Variants in DSCAM observed in about 807,000 individuals in gnomAD.
DSCAM encodes DS cell adhesion molecule.
A neutral mutation model predicts 217.7 loss-of-function variants in DSCAM; 47 were observed. That is an observed-to-expected ratio of 0.22 (90% CI 0.17 to 0.28). The LOEUF (loss-of-function observed/expected upper bound fraction) is 0.28, where lower values mean the gene tolerates loss of function less well. Ranked by LOEUF, DSCAM falls within the 10% of genes least tolerant of loss-of-function variation. The probability of loss-of-function intolerance (pLI) is 1.00; values close to 1 mark genes in which losing one functional copy is unlikely to be tolerated. For synonymous variants in DSCAM, 1,056 were observed against 1,015.3 expected, an observed-to-expected ratio of 1.04 and a Z score of -0.76; for missense variants, 2,080 against 2,618.3, an observed-to-expected ratio of 0.79 and a Z score of 4.49.
intron 32 of DSCAM, among the ~76,000 whole-genome samples, chr21:40,022,874 C>CT (rs1329514507): frequency 6.6e-6 from 1 of 151,046 alleles, no homozygotes; most frequent in Non-Finnish European, 1.5e-5. Flanking sequence ...ATTTTCTTTT[C>CT]TTTTTTTCTT....
At chr21:40,511,213 A>G (rs2076254712) in intron 3 of DSCAM, among the ~76,000 whole-genome samples, 1 of 152,194 alleles carries the variant, frequency 6.6e-6, no homozygotes, top group Non-Finnish European at 1.5e-5. Flanking sequence ...GAAAAGAGGA[A>G]AGCAGAACAG....
intron 1 of DSCAM, among the ~76,000 whole-genome samples, chr21:40,782,575 A>G (rs2091556630): frequency 6.6e-6 from 1 of 152,090 alleles, no homozygotes; most frequent in Admixed American, 6.5e-5. Context: ...AAAGAATGCA[A>G]AAAATTAGCC....
chr21:40,832,612 C>T (rs2837848), intron 1 of DSCAM, among the ~76,000 whole-genome samples: 2,554 of 152,206 alleles, frequency 0.017, 134 homozygotes, highest in East Asian at 0.096. Flanking sequence ...AAGAGGCTAT[C>T]GTTTCCAGCC....
At chr21:40,105,404 C>A (rs994025780) in intron 20 of DSCAM, among the ~76,000 whole-genome samples, 1 of 152,148 alleles carries the variant, frequency 6.6e-6, no homozygotes, top group Non-Finnish European at 1.5e-5. Context: ...GTGGGAGGGA[C>A]CCCGTGGGAG....
chr21:40,311,679 T>C (rs923793598), intron 9 of DSCAM, among the ~76,000 whole-genome samples: 3 of 152,160 alleles, frequency 2.0e-5, no homozygotes, highest in African/African-American at 7.2e-5. Flanking sequence ...CTTTGATACA[T>C]AGCTTTGAGA....
intron 16 of DSCAM, among the ~76,000 whole-genome samples, chr21:40,149,816 A>T (rs1009691859): frequency 2.7e-4 from 36 of 131,526 alleles, no homozygotes; most frequent in Middle Eastern, 5.3e-3. Context: ...ACTCCATCAC[A>T]ATCCCAACAC....
chr21:40,196,607 CCTT>C lies in DSCAM; in HGVS notation c.2357-7372_2357-7370del, dbSNP rs34238852. ...TTTTTCTTTATTTCTTTCCCTCTAT[CCTT>C]CTGTTCCTCCCTCCCAATTTTTTCT... On this transcript the variant is annotated intron_variant, in intron 11 of 32. Coordinates refer to ENST00000400454, the MANE Select transcript of DSCAM (RefSeq NM_001389.5). Among the ~76,000 whole-genome samples the C allele has an allele frequency of 7.9e-3, 1,151 of 145,356 alleles. 16 individuals carry two copies. Among genetic ancestry groups the C allele is most frequent in the African/African-American group, 0.032 (1,114 of 35,116 alleles).
intron 20 of DSCAM, among the ~76,000 whole-genome samples, chr21:40,118,145 C>A (rs552748704): frequency 3.9e-5 from 6 of 152,062 alleles, no homozygotes; most frequent in Non-Finnish European, 8.8e-5. Context: ...CGAAGTCATC[C>A]AATAAATTTG....
chr21:40,669,326 C>T (rs2090241739), intron 3 of DSCAM, among the ~76,000 whole-genome samples: 1 of 152,158 alleles, frequency 6.6e-6, no homozygotes, highest in Non-Finnish European at 1.5e-5. Context: ...TCTAGGAGAA[C>T]TGTGGACTGG....
intron 17 of DSCAM, among the ~76,000 whole-genome samples, chr21:40,143,500 T>C (rs896619417): frequency 3.9e-5 from 6 of 152,204 alleles, no homozygotes; most frequent in Admixed American, 3.9e-4. Flanking sequence ...TCCGCAAACC[T>C]GTGATCAAGG....
chr21:40,428,490 G>A (rs1236450835), intron 3 of DSCAM, among the ~76,000 whole-genome samples: 1 of 151,840 alleles, frequency 6.6e-6, no homozygotes, highest in Non-Finnish European at 1.5e-5. Context: ...GGCTGGTCTC[G>A]AACTCCCAAC....
At chr21:40,701,974 T>C (rs2090661421) in intron 2 of DSCAM, among the ~76,000 whole-genome samples, 1 of 152,176 alleles carries the variant, frequency 6.6e-6, no homozygotes, top group South Asian at 2.1e-4. Flanking sequence ...TCACGTGTTT[T>C]TTTGTTCTTA....
At chr21:40,822,002 C>T (rs1398155174) in intron 1 of DSCAM, among the ~76,000 whole-genome samples, 1 of 151,330 alleles carries the variant, frequency 6.6e-6, no homozygotes, top group Non-Finnish European at 1.5e-5. Context: ...GCATGTATCC[C>T]CGAACTTAAA....
intron 28 of DSCAM, among the ~76,000 whole-genome samples, chr21:40,061,727 GAT>G (rs1400370092): frequency 2.6e-5 from 4 of 152,138 alleles, no homozygotes; most frequent in African/African-American, 9.7e-5. Flanking sequence ...GGTCTTCAAA[GAT>G]ATTAGTGATA....
chr21:40,624,759 CACATCCAAAA>C lies in DSCAM; in HGVS notation c.508+68041_508+68050del. 1.9e-4 allele frequency among the ~76,000 whole-genome samples: 5 copies of C among 26,876 alleles called. No homozygotes were observed. In the East Asian group the frequency reaches 2.6e-3, roughly 14 times the overall value. 17.6% of individuals were successfully genotyped at this position (26,876 alleles called of 152,430 possible). On this transcript the variant is annotated intron_variant, in intron 3 of 32. Transcript: ENST00000400454. ...GAAAGAAGAAACCTTTGTGTGCATA[CACATCCAAAA>C]GCACATCCACACAAACACACACTCA...
At chr21:40,756,115 G>A (rs10446085) in intron 1 of DSCAM, among the ~76,000 whole-genome samples, 45,076 of 152,124 alleles carry the variant, frequency 0.3, 7,791 homozygotes, top group East Asian at 0.39. Flanking sequence ...GAATCATGGG[G>A]GTGGATTTCT....
chr21:40,690,655 T>A (rs143303280), intron 3 of DSCAM, among the ~76,000 whole-genome samples: 3 of 152,220 alleles, frequency 2.0e-5, no homozygotes, highest in Non-Finnish European at 2.9e-5. Context: ...GCCAGCATCA[T>A]CCCCTCACTA....
Position 40,113,685 on chromosome 21 carries a change from C to T in DSCAM, c.3696+10510G>A, listed in dbSNP as rs532348266. Among the ~76,000 whole-genome samples the T allele has an allele frequency of 4.9e-4, 75 of 152,272 alleles. No homozygotes were observed. The East Asian group carries it at 0.014, about 28-fold the overall frequency. Reference sequence around the variant, plus strand: ...ACCCCATCGTCTCAGCCCAAAATCTCCTTAAGCTGATAAGCAATTTCAGCA... The same window carrying T: ...ACCCCATCGTCTCAGCCCAAAATCTTCTTAAGCTGATAAGCAATTTCAGCA... On this transcript the variant is annotated intron_variant, in intron 20 of 32. Coordinates refer to ENST00000400454, the MANE Select transcript of DSCAM (RefSeq NM_001389.5).
chr21:40,722,026 A>AT (rs1303976513), intron 1 of DSCAM, among the ~76,000 whole-genome samples: 1 of 152,048 alleles, frequency 6.6e-6, no homozygotes, highest in Non-Finnish European at 1.5e-5. Context: ...AATTTGAAGC[A>AT]TTTTTTTAAA....
Sources: allele counts gnomAD v4.1 joint callset (sites outside exome capture counted in the v4.1 genomes callset), GRCh38; gene constraint gnomAD v4.1.1; transcripts MANE v1.5; gene names NCBI Gene and HGNC (gene_info 2026-07-23, HGNC 2026-07-21).